The following SBF2 variants were observed in gnomAD, a reference collection of about 807,000 sequenced individuals.
The protein encoded by SBF2 is myotubularin-related protein 13.
SBF2 carries 112 observed loss-of-function variants against 225.2 expected under a neutral mutation model. That is an observed-to-expected ratio of 0.50 (90% CI 0.43 to 0.58). The LOEUF is 0.58. Ranked by LOEUF, SBF2 falls within the 20% of genes least tolerant of loss-of-function variation. The pLI is 0.00. For synonymous variants in SBF2, 763 were observed against 773.3 expected, an observed-to-expected ratio of 0.99 and a Z score of 0.22; for missense variants, 1,996 against 2,206.2, an observed-to-expected ratio of 0.90 and a Z score of 1.91.
intron 2 of SBF2, among the ~76,000 whole-genome samples, chr11:10,175,156 T>C (rs1956398505): frequency 6.7e-6 from 1 of 148,800 alleles, no homozygotes; most frequent in African/African-American, 2.5e-5. Flanking sequence ...AATTCACACA[T>C]AACAATATTA....
At chr11:9,920,410 G>C (rs577414527) in intron 16 of SBF2, among the ~76,000 whole-genome samples, 1 of 152,080 alleles carries the variant, frequency 6.6e-6, no homozygotes, top group Non-Finnish European at 1.5e-5. Context: ...TGTAGTTTAT[G>C]AGACCTGATC....
intron 2 of SBF2, among the ~76,000 whole-genome samples, chr11:10,099,755 G>C (rs1213638620): frequency 1.3e-5 from 2 of 152,068 alleles, no homozygotes; most frequent in African/African-American, 2.4e-5. Context: ...GGGAATTTAA[G>C]ATGTTATCAG....
At chr11:9,917,426 A>G (rs1590436014) in intron 16 of SBF2, among the ~76,000 whole-genome samples, 1 of 151,154 alleles carries the variant, frequency 6.6e-6, no homozygotes, top group African/African-American at 2.5e-5. Context: ...CCGCCTCCCG[A>G]GTTCAAGCAA....
At chr11:10,258,948 G>A (rs1325299663) in intron 1 of SBF2, among the ~76,000 whole-genome samples, 1 of 152,190 alleles carries the variant, frequency 6.6e-6, no homozygotes, top group East Asian at 1.9e-4. Context: ...GAAAAAATGA[G>A]GGGCAGGGAA....
intron 2 of SBF2, among the ~76,000 whole-genome samples, chr11:10,173,565 G>C (rs1028584549): frequency 3.9e-5 from 6 of 152,228 alleles, no homozygotes; most frequent in Non-Finnish European, 8.8e-5. Flanking sequence ...AAACTGCAAG[G>C]CGGCAGCGAG....
At chr11:10,214,408 G>A (rs1184025655) in intron 1 of SBF2, among the ~76,000 whole-genome samples, 3 of 152,174 alleles carry the variant, frequency 2.0e-5, no homozygotes, top group East Asian at 1.9e-4. Context: ...CGGATCACAA[G>A]GTCAGGAGAT....
At position 9,845,527 on chromosome 11, in the gene SBF2, G is replaced by T. The variant is rs148447586; in HGVS notation, c.3110+38C>A. The stretch of plus-strand genomic sequence containing the variant: ...GGTTACTCCTTTTGCAATCAATTAC[G>T]GGAGGGCTGAAATTAACAGACTTGT... On this transcript the variant is annotated intron_variant, in intron 24 of 39. Transcript: ENST00000256190. 5.1e-6 allele frequency: 8 copies of T among 1,577,016 alleles called. No individual in the cohort carries two copies. In the South Asian group the frequency reaches 7.8e-5, roughly 15 times the overall value.
chr11:10,141,396 C>T (rs191474375), intron 2 of SBF2, among the ~76,000 whole-genome samples: 1 of 152,118 alleles, frequency 6.6e-6, no homozygotes, highest in Non-Finnish European at 1.5e-5. Context: ...TGGTTTTGAC[C>T]TTCTTCTATT....
At chr11:9,986,897 A>G (rs1295852943) in intron 13 of SBF2, among the ~76,000 whole-genome samples, 1 of 152,194 alleles carries the variant, frequency 6.6e-6, no homozygotes, top group Non-Finnish European at 1.5e-5. Flanking sequence ...CAAGATACAG[A>G]AAGAAGGAAC....
chr11:10,263,441 G>C (rs992065181), intron 1 of SBF2, among the ~76,000 whole-genome samples: 1 of 151,986 alleles, frequency 6.6e-6, no homozygotes, highest in Non-Finnish European at 1.5e-5. Flanking sequence ...ATGATCAAGA[G>C]AATGAATTAC....
intron 2 of SBF2, among the ~76,000 whole-genome samples, chr11:10,072,293 C>T (rs1950912910): frequency 6.6e-6 from 1 of 152,080 alleles, no homozygotes; most frequent in Non-Finnish European, 1.5e-5. Flanking sequence ...TCTAAGAAAA[C>T]ATGACTCATA....
At chr11:9,963,459 T>A (rs556077671) in intron 15 of SBF2, among the ~76,000 whole-genome samples, 1 of 152,266 alleles carries the variant, frequency 6.6e-6, no homozygotes, top group African/African-American at 2.4e-5. Flanking sequence ...AGCAAGACTC[T>A]GGCTCCAAAA....
chr11:10,223,962 C>A (rs1490316032), intron 1 of SBF2, among the ~76,000 whole-genome samples: 1 of 152,054 alleles, frequency 6.6e-6, no homozygotes, highest in Non-Finnish European at 1.5e-5. Flanking sequence ...AGTTTTAATA[C>A]TGTATCTTTA....
intron 25 of SBF2, among the ~76,000 whole-genome samples, chr11:9,841,424 G>A (rs1437844360): frequency 6.6e-6 from 1 of 152,126 alleles, no homozygotes; most frequent in African/African-American, 2.4e-5. Flanking sequence ...AATGGGTGTG[G>A]TGTTATTTCA....
At chr11:10,118,914 A>G (rs1403928725) in intron 2 of SBF2, among the ~76,000 whole-genome samples, 1 of 150,796 alleles carries the variant, frequency 6.6e-6, no homozygotes, top group Non-Finnish European at 1.5e-5. Flanking sequence ...AAAAAAAAAA[A>G]CAAAACTAAA....
intron 2 of SBF2, among the ~76,000 whole-genome samples, chr11:10,089,307 T>C (rs1373563966): frequency 6.6e-6 from 1 of 152,208 alleles, no homozygotes; most frequent in Non-Finnish European, 1.5e-5. Flanking sequence ...ACTACCATCA[T>C]ATATGCAGCC....
chr11:10,066,806 C>A (rs1950642864), intron 2 of SBF2, among the ~76,000 whole-genome samples: 1 of 152,110 alleles, frequency 6.6e-6, no homozygotes, highest in Non-Finnish European at 1.5e-5. Flanking sequence ...AACCCGATTG[C>A]TGAAAATCTA....
At chr11:10,253,361 T>C (rs2135492351) in intron 1 of SBF2, among the ~76,000 whole-genome samples, 1 of 152,134 alleles carries the variant, frequency 6.6e-6, no homozygotes, top group East Asian at 1.9e-4. Flanking sequence ...TCTTTTTCTT[T>C]TTGGGAGGAG....
intron 2 of SBF2, among the ~76,000 whole-genome samples, chr11:10,073,966 C>T (rs986326361): frequency 6.6e-6 from 1 of 152,014 alleles, no homozygotes; most frequent in Non-Finnish European, 1.5e-5. Flanking sequence ...TAGAAGTACT[C>T]TAATATTTAT....
Sources: gnomAD v4.1 joint callset for allele counts (sites outside exome capture counted in the v4.1 genomes callset) on GRCh38, gnomAD v4.1.1 for gene constraint, MANE v1.5 for transcripts, NCBI Gene and HGNC (gene_info 2026-07-23, HGNC 2026-07-21) for gene names.